IMMP1L: variants seen among roughly 807,000 people sequenced by gnomAD.
IMMP1L encodes mitochondrial inner membrane protease subunit 1.
A neutral mutation model predicts 21.8 loss-of-function variants in IMMP1L; 24 were observed. The observed-to-expected ratio is 1.10, with a 90% CI of 0.80 to 1.55. IMMP1L has a LOEUF of 1.55. Among genes scored for constraint, IMMP1L ranks in the 40% most tolerant of loss-of-function variants. The pLI is 0.00. For synonymous variants in IMMP1L, 46 were observed against 62.8 expected (o/e 0.73, Z 1.26); for missense variants, 195 against 200.7 (o/e 0.97, Z 0.17).
At chr11:31,438,582 G>T (rs1432209006) in intron 4 of IMMP1L, among the ~76,000 whole-genome samples, 1 of 151,782 alleles carries the variant, frequency 6.6e-6, no homozygotes, top group African/African-American at 2.4e-5. Flanking sequence ...ATCTTTACCT[G>T]CCCCCAGATT....
At chr11:31,490,353 T>C (rs977361606) in intron 1 of IMMP1L, among the ~76,000 whole-genome samples, 4 of 151,598 alleles carry the variant, frequency 2.6e-5, no homozygotes, top group African/African-American at 9.7e-5. Context: ...GCGCCTGTAA[T>C]CCCAGCTACT....
intron 1 of IMMP1L, among the ~76,000 whole-genome samples, chr11:31,484,083 T>C (rs373205840): frequency 1.3e-5 from 2 of 151,882 alleles, no homozygotes; most frequent in Admixed American, 6.6e-5. Context: ...CTAGGGAAAA[T>C]AGAATAAAAA....
intron 1 of IMMP1L, among the ~76,000 whole-genome samples, chr11:31,497,058 A>G (rs1024178695): frequency 6.7e-6 from 1 of 150,012 alleles, no homozygotes; most frequent in African/African-American, 2.4e-5. Flanking sequence ...ATATATATAT[A>G]CACACACAGA....
At chr11:31,453,048 G>A (rs765252466) in intron 4 of IMMP1L, 37 of 1,287,510 alleles carry the variant, frequency 2.9e-5, no homozygotes, top group South Asian at 1.2e-4. Flanking sequence ...CACCGCGGCC[G>A]GCCAGCAACA....
At chr11:31,508,169 A>T (rs887518909) in intron 1 of IMMP1L, among the ~76,000 whole-genome samples, 1 of 150,928 alleles carries the variant, frequency 6.6e-6, no homozygotes, top group Non-Finnish European at 1.5e-5. Flanking sequence ...AAAGTTGAAG[A>T]AAAAAAAAAT....
chr11:31,460,165 A>G (rs564056775), intron 3 of IMMP1L, among the ~76,000 whole-genome samples: 4 of 152,094 alleles, frequency 2.6e-5, no homozygotes, highest in South Asian at 2.1e-4. Context: ...CAAAAAATGT[A>G]TATCAGAAAA....
intron 1 of IMMP1L, among the ~76,000 whole-genome samples, chr11:31,476,244 G>A (rs188062851): frequency 1.2e-4 from 18 of 151,998 alleles, no homozygotes; most frequent in South Asian, 8.3e-4. Context: ...GGCAAAAGTC[G>A]TCCTTTATAA....
At chr11:31,464,970 G>A (rs556790294) in intron 1 of IMMP1L, among the ~76,000 whole-genome samples, 4 of 152,000 alleles carry the variant, frequency 2.6e-5, no homozygotes, top group Admixed American at 6.6e-5. Context: ...AGAAATAAAG[G>A]GCATCCAAAT....
chr11:31,457,656 G>A (rs1953992949), intron 3 of IMMP1L, among the ~76,000 whole-genome samples: 1 of 152,108 alleles, frequency 6.6e-6, no homozygotes, highest in African/African-American at 2.4e-5. Context: ...CAGTTACATG[G>A]AAATCATTAA....
chr11:31,440,642 C>T (rs1291423805), intron 4 of IMMP1L, among the ~76,000 whole-genome samples: 5 of 152,198 alleles, frequency 3.3e-5, no homozygotes, highest in Non-Finnish European at 5.9e-5. Flanking sequence ...CTGCCCGCCT[C>T]GGCCTCCCCA....
chr11:31,496,116 CAA>C (rs202164021), intron 1 of IMMP1L, among the ~76,000 whole-genome samples: 1 of 88,582 alleles, frequency 1.1e-5, no homozygotes. Flanking sequence ...CAAAAACCCG[CAA>C]AAAAAAAAAA....
At chr11:31,448,740 T>C (rs921293718) in intron 4 of IMMP1L, among the ~76,000 whole-genome samples, 4 of 152,206 alleles carry the variant, frequency 2.6e-5, no homozygotes, top group Non-Finnish European at 4.4e-5. Context: ...AATAAGATTA[T>C]TATAAACTCC....
In IMMP1L at chr11:31,482,718, T is replaced by C. The variant is rs375822093; in HGVS notation, c.-29-19413A>G. On this transcript the variant is annotated intron_variant, in intron 1 of 5. Coordinates refer to ENST00000532287, the MANE Select transcript of IMMP1L (RefSeq NM_001304274.2). The stretch of plus-strand genomic sequence containing the variant: ...GAAAAAAACGAGTGTTGGAAACATG[T>C]GGAGCAACTAGAACTCTCTCGCATA... Among the ~76,000 whole-genome samples, 57 of 152,160 alleles carry C rather than the reference T, an allele frequency of 3.7e-4. No homozygotes were observed. The South Asian group carries it at 0.012, about 31-fold the overall frequency.
At position 31,509,519 on chromosome 11, in the gene IMMP1L, C is replaced by T; in HGVS notation, c.-30G>A. 1.9e-6 allele frequency: 1 copy of T among 537,864 alleles called. No homozygotes were observed. The highest frequency in any genetic ancestry group is 3.4e-6 in the Non-Finnish European group (1 of 298,122). 33.3% of individuals were successfully genotyped at this position (537,864 alleles called of 1,614,324 possible). ...AAGAACGTTACGTGATATTACCTACCTCGGGCCCCAAAGAACCCTGGAGAC... is the reference window on the plus strand; with the variant it reads ...AAGAACGTTACGTGATATTACCTACTTCGGGCCCCAAAGAACCCTGGAGAC... On this transcript the variant is annotated splice_region_variant and 5_prime_UTR_variant, in exon 1 of 6. Coordinates refer to ENST00000532287, the MANE Select transcript of IMMP1L (RefSeq NM_001304274.2).
chr11:31,471,196 C>T (rs1394323022), intron 1 of IMMP1L, among the ~76,000 whole-genome samples: 9 of 152,124 alleles, frequency 5.9e-5, no homozygotes, highest in East Asian at 3.8e-4. Flanking sequence ...ATACACTGTA[C>T]ATATGTATCA....
At chr11:31,456,438 C>T (rs1297233849) in intron 3 of IMMP1L, 52 bp from the exon 4 acceptor site, 1 of 1,429,808 alleles carries the variant, frequency 7.0e-7, no homozygotes, top group Admixed American at 1.7e-5. Flanking sequence ...AGCAAAAACA[C>T]ATGCATGGCA....
At chr11:31,455,198 C>T (rs574315968) in intron 4 of IMMP1L, among the ~76,000 whole-genome samples, 83 of 152,152 alleles carry the variant, frequency 5.5e-4, no homozygotes, top group South Asian at 4.8e-3. Context: ...GAGGCTATTA[C>T]GGTTCAAAAT....
chr11:31,477,568 C>A, intron 1 of IMMP1L: 1 of 984,306 alleles, frequency 1.0e-6, no homozygotes. Context: ...CTTTGAGCTT[C>A]ATGAATGACA....
intron 1 of IMMP1L, 114 bp from the exon 2 acceptor site, chr11:31,463,419 T>C (rs914645590): frequency 2.1e-6 from 2 of 957,420 alleles, no homozygotes; most frequent in African/African-American, 3.4e-5. Context: ...CTAATACAAT[T>C]TGGTGCAGGA....
Sources: allele counts gnomAD v4.1 joint callset (sites outside exome capture counted in the v4.1 genomes callset), GRCh38; gene constraint gnomAD v4.1.1; transcripts MANE v1.5; gene names NCBI Gene and HGNC (gene_info 2026-07-23, HGNC 2026-07-21).